The following HNRNPAB variants were observed in gnomAD, a reference collection of about 807,000 sequenced individuals.
HNRNPAB encodes the protein heterogeneous nuclear ribonucleoprotein A/B, also known as ABBP-1.
In HNRNPAB, 17 loss-of-function variants were observed where a neutral mutation model predicts 44.1. The ratio of observed to expected loss-of-function variants is 0.39; its 90% CI spans 0.26 to 0.58. The LOEUF is 0.58. Among genes scored for constraint, HNRNPAB ranks in the 20% least tolerant of loss-of-function variants. HNRNPAB has a pLI of 0.63. For missense variants in HNRNPAB, 393 were observed against 432.7 expected (o/e 0.91, Z 0.81); for synonymous variants, 183 against 167.6 (o/e 1.09, Z -0.71).
chr5:178,210,256 C>T lies in HNRNPAB; in HGVS notation c.912C>T (p.Gly304=). The T allele has an allele frequency of 6.2e-7, 1 of 1,613,876 alleles. No individual in the cohort carries two copies. The highest frequency in any genetic ancestry group is 8.5e-7 in the Non-Finnish European group (1 of 1,179,800). Residue 304 remains glycine, a synonymous_variant, in exon 7 of 8, where the codon GGC becomes GGT. Transcript: ENST00000358344. ...CGCCCTATGGCTATTACGGCTACGG[C>T]CCCGGCTACGACTACAGTAAGTAGG... ...DYSPYGYYGY[G]PGYDYSQGST...
rs775694717 is a variant in HNRNPAB at position 178,210,103 on chromosome 5, C to T, written c.788-29C>T. On this transcript the variant is annotated intron_variant, in intron 6 of 7. Coordinates refer to ENST00000358344, the MANE Select transcript of HNRNPAB (RefSeq NM_031266.3). ...GCTCCTGCGTATGCTAAATGGTCCA[C>T]GGGCCCCTGTGCCCTGCTCCCCCCA... 47 of 1,611,378 alleles carry T rather than the reference C, an allele frequency of 2.9e-5. No homozygotes were observed. The African/African-American group carries it at 4.6e-4, about 16-fold the overall frequency.
intron 2 of HNRNPAB, among the ~76,000 whole-genome samples, chr5:178,205,274 CTGCCAG>C (rs1002442466): frequency 1.5e-4 from 22 of 150,628 alleles, no homozygotes; most frequent in Admixed American, 6.0e-4. Flanking sequence ...CGCTCGCGCG[CTGCCAG>C]GGCCAGGGCC....
In HNRNPAB at chr5:178,209,365, T is replaced by TCAG; in HGVS notation, c.715_717dup (p.Gln239dup). ...AGGTGGCCCAGCCCAAAGAAGTCTA[T>TCAG]CAGCAGCAGCAGTATGGCTCTGGGG... On this transcript the variant is annotated inframe_insertion, in exon 6 of 8. Transcript: ENST00000358344. The TCAG allele has an allele frequency of 2.5e-6, 4 of 1,614,162 alleles. No homozygotes were observed. The highest frequency in any genetic ancestry group is 3.4e-6 in the Non-Finnish European group (4 of 1,180,024).
In HNRNPAB at chr5:178,209,169, C is replaced by G. The variant is rs553632816; in HGVS notation, c.670-161C>G. Among the ~76,000 whole-genome samples, 3 of 152,350 alleles carry G rather than the reference C, an allele frequency of 2.0e-5. No individual in the cohort carries two copies. In the South Asian group the frequency reaches 6.2e-4, roughly 32 times the overall value. ...AAGGCCTTTGGTTTTAGTTGGGATT[C>G]CATGAGCTTTAGCCCAAAGGTGGCC... is the stretch of plus-strand genomic sequence containing the variant. On this transcript the variant is annotated intron_variant, in intron 5 of 7. Coordinates refer to ENST00000358344, the MANE Select transcript of HNRNPAB (RefSeq NM_031266.3).
At chr5:178,205,520 T>G in intron 2 of HNRNPAB, 1 of 191,716 alleles carries the variant, frequency 5.2e-6, no homozygotes, top group South Asian at 1.4e-4. Context: ...TTCTCAGGAG[T>G]TGGTGGAGAC....
At chr5:178,206,541 T>G (rs537105338) in intron 3 of HNRNPAB, among the ~76,000 whole-genome samples, 191 bp from the exon 4 acceptor site, 2 of 152,312 alleles carry the variant, frequency 1.3e-5, no homozygotes, top group African/African-American at 4.8e-5. Flanking sequence ...TGAGGACTGT[T>G]TTCTAGGTGT....
chr5:178,206,115 A>G (rs3812089), intron 3 of HNRNPAB, 105 bp downstream of exon 3: 920,767 of 1,147,382 alleles, frequency 0.8, 371,201 homozygotes, highest in African/African-American at 0.9. Context: ...CATGTGATTT[A>G]AGTGCTTTGG....
At position 178,209,311 on chromosome 5, in the gene HNRNPAB, C is replaced by T; in HGVS notation, c.670-19C>T. The T allele has an allele frequency of 6.2e-7, 1 of 1,607,480 alleles. No homozygotes were observed. Among genetic ancestry groups the T allele is most frequent in the Non-Finnish European group, 8.5e-7 (1 of 1,173,960 alleles). ...TGAGTTTGTCCTACTGGCCTGACCA[C>T]TGTCCTCTTGACTTTTAGTGTGAGA... On this transcript the variant is annotated intron_variant, in intron 5 of 7. Coordinates refer to ENST00000358344, the MANE Select transcript of HNRNPAB (RefSeq NM_031266.3).
chr5:178,205,817 CGT>C (rs776020894), intron 2 of HNRNPAB, 23 bp from the exon 3 acceptor site: 14 of 1,603,774 alleles, frequency 8.7e-6, no homozygotes, highest in Non-Finnish European at 1.1e-5. Flanking sequence ...GACTTGTTGC[CGT>C]GTGTCTCACC....
intron 2 of HNRNPAB, chr5:178,205,564 G>T: frequency 2.9e-6 from 1 of 339,902 alleles, no homozygotes; most frequent in Non-Finnish European, 5.5e-6. Flanking sequence ...TAGAACACAT[G>T]AATTTCCAGT....
intron 2 of HNRNPAB, among the ~76,000 whole-genome samples, chr5:178,205,325 C>T (rs1757001901): frequency 2.0e-5 from 3 of 151,638 alleles, no homozygotes; most frequent in Admixed American, 6.6e-5. Context: ...GGCGGATGGC[C>T]CGGAAGAGGG....
In HNRNPAB at chr5:178,209,320, T is replaced by C. The variant is rs1290634044; in HGVS notation, c.670-10T>C. On this transcript the variant is annotated splice_polypyrimidine_tract_variant and intron_variant, in intron 5 of 7. Coordinates refer to ENST00000358344, the MANE Select transcript of HNRNPAB (RefSeq NM_031266.3). ...CCTACTGGCCTGACCACTGTCCTCT[T>C]GACTTTTAGTGTGAGATCAAGGTGG... 3 of 1,613,146 alleles carry C rather than the reference T, an allele frequency of 1.9e-6. No homozygotes were observed. The Admixed American group carries it at 5.0e-5, about 27-fold the overall frequency.
Position 178,210,631 on chromosome 5 carries a change from G to T in HNRNPAB, c.*8G>T. ...AACTACAAGCCATACTGAGGCGGCA[G>T]CAGGAGCGACCAACTGATCGCACAC... On this transcript the variant is annotated 3_prime_UTR_variant, in exon 8 of 8. Coordinates refer to ENST00000358344, the MANE Select transcript of HNRNPAB (RefSeq NM_031266.3). 1 of 1,610,910 alleles carries T rather than the reference G, an allele frequency of 6.2e-7. No homozygotes were observed. The highest frequency in any genetic ancestry group is 8.5e-7 in the Non-Finnish European group (1 of 1,177,166).
intron 7 of HNRNPAB, 46 bp downstream of exon 7, chr5:178,210,318 A>G (rs777747612): frequency 1.2e-5 from 19 of 1,612,584 alleles, no homozygotes; most frequent in Non-Finnish European, 1.4e-5. Flanking sequence ...CCTCGTCCCC[A>G]GGGGAGGCAG....
chr5:178,206,808 C>T lies in HNRNPAB; in HGVS notation c.455C>T (p.Pro152Leu), dbSNP rs1191002229. 4 of 1,613,978 alleles carry T rather than the reference C, an allele frequency of 2.5e-6. No homozygotes were observed. The highest frequency in any genetic ancestry group is 1.3e-5 in the African/African-American group (1 of 74,892). The change falls in exon 4 of 8, where the codon CCG becomes CTG. Residue 152 changes from proline to leucine, a missense_variant. Physicochemically the swap from Pro to Leu is moderately conservative, Grantham distance 98. Around this residue, in one of 3 missense-constraint regions of HNRNPAB, gnomAD observed 102 missense variants for 162.3 expected, o/e 0.63. Coordinates refer to ENST00000358344, the MANE Select transcript of HNRNPAB (RefSeq NM_031266.3). ...PKKAMAMKKD[P>L]VKKIFVGGLN... is the part of the protein sequence containing the mutation. Reference sequence around the variant, plus strand: ...AAGGCCATGGCTATGAAGAAGGACCCGGTGAAGAAAATCTTCGTTGGGGGT... The same window carrying T: ...AAGGCCATGGCTATGAAGAAGGACCTGGTGAAGAAAATCTTCGTTGGGGGT...
At position 178,204,896 on chromosome 5, in the gene HNRNPAB, A is replaced by G; in HGVS notation, c.59A>G (p.His20Arg). The G allele has an allele frequency of 8.3e-7, 1 of 1,211,064 alleles. No individual in the cohort carries two copies. The allele number at this position is 1,211,064 out of a possible 1,614,324, so 75.0% of individuals were successfully genotyped here. Residue 20 changes from histidine to arginine, a missense_variant, in exon 2 of 8, where the codon CAT becomes CGT. His to Arg is a conservative substitution (Grantham distance 29). Transcript: ENST00000358344. ...METTGATENG[H>R]EAVPEGESPA... The stretch of plus-strand genomic sequence containing the variant: ...ACGACGGGCGCCACCGAGAACGGAC[A>G]TGAGGCCGTCCCCGAAGGCGAGTCG...
chr5:178,210,283 G>A lies in HNRNPAB; in HGVS notation c.928+11G>A. On this transcript the variant is annotated intron_variant, in intron 7 of 7. Transcript: ENST00000358344. Reference sequence around the variant, plus strand: ...CCGGCTACGACTACAGTAAGTAGGAGAGAGGGAGGCCCCATCCGCTCACCC... The same window carrying A: ...CCGGCTACGACTACAGTAAGTAGGAAAGAGGGAGGCCCCATCCGCTCACCC... 6.2e-7 allele frequency: 1 copy of A among 1,614,136 alleles called. No homozygotes were observed. Among genetic ancestry groups the A allele is most frequent in the Non-Finnish European group, 8.5e-7 (1 of 1,180,018 alleles).
intron 2 of HNRNPAB, 52 bp downstream of exon 2, chr5:178,205,098 T>A: frequency 8.7e-7 from 1 of 1,149,932 alleles, no homozygotes; most frequent in Non-Finnish European, 1.1e-6. Context: ...CGGGGCCGCC[T>A]TTTGTTGGCG....
In HNRNPAB at chr5:178,205,923, T is replaced by C; in HGVS notation, c.291T>C (p.Val97=). The C allele has an allele frequency of 6.2e-7, 1 of 1,614,184 alleles. No individual in the cohort carries two copies. Among genetic ancestry groups the C allele is most frequent in the Non-Finnish European group, 8.5e-7 (1 of 1,179,986 alleles). The change falls in exon 3 of 8, where the codon GTT becomes GTC. Residue 97 remains valine (V), a synonymous_variant. Coordinates refer to ENST00000358344, the MANE Select transcript of HNRNPAB (RefSeq NM_031266.3). ...ATTTTACTAAATTTGGAGAGGTCGTTGACTGTACAATAAAAATGGATCCCA... is the reference window on the plus strand; with the variant it reads ...ATTTTACTAAATTTGGAGAGGTCGTCGACTGTACAATAAAAATGGATCCCA... ...KDYFTKFGEV[V]DCTIKMDPNT... is the part of the protein sequence containing the mutation.
Sources: gnomAD v4.1 joint callset for allele counts (sites outside exome capture counted in the v4.1 genomes callset) on GRCh38, gnomAD v4.1.1 for gene constraint, gnomAD v4.1.1 regional missense constraint, MANE v1.5 for transcripts, NCBI Gene and HGNC (gene_info 2026-07-23, HGNC 2026-07-21) for gene names.